The following ZNF529 variants were observed in gnomAD, a reference collection of about 807,000 sequenced individuals.
ZNF529 encodes the protein zinc finger protein 529.
In ZNF529, 11 loss-of-function variants were observed where a neutral mutation model predicts 10.1. The ratio of observed to expected loss-of-function variants is 1.09; its 90% CI spans 0.69 to 1.81. The LOEUF (loss-of-function observed/expected upper bound fraction) is 1.81. Among genes scored for constraint, ZNF529 ranks in the 40% most tolerant of loss-of-function variants. The pLI is 0.00. For synonymous variants in ZNF529, 204 were observed against 215.7 expected (o/e 0.95, Z 0.47); for missense variants, 624 against 666.8 (o/e 0.94, Z 0.71).
intron 2 of ZNF529, among the ~76,000 whole-genome samples, chr19:36,562,295 C>T (rs1434287435): frequency 1.3e-5 from 2 of 152,088 alleles, no homozygotes; most frequent in Admixed American, 1.3e-4. Flanking sequence ...TTTGGTTTCA[C>T]AGGTACAGGA....
At position 36,556,004 on chromosome 19, in the gene ZNF529, A is replaced by G. The variant is rs2035455907; in HGVS notation, c.108+100T>C. 4 of 1,234,974 alleles carry G rather than the reference A, an allele frequency of 3.2e-6. No individual in the cohort carries two copies. In the East Asian group the frequency reaches 1.0e-4, roughly 32 times the overall value. 76.5% of individuals were successfully genotyped at this position (1,234,974 alleles called of 1,614,324 possible). ...GACTCCAGCCCTTACTAGAAAGCGAAGAAGTATGGGGTTGTGGTACAGGTT... is the reference window on the plus strand; with the variant it reads ...GACTCCAGCCCTTACTAGAAAGCGAGGAAGTATGGGGTTGTGGTACAGGTT... On this transcript the variant is annotated intron_variant, in intron 3 of 4. Coordinates refer to ENST00000591340, the MANE Select transcript of ZNF529 (RefSeq NM_020951.5).
intron 1 of ZNF529, among the ~76,000 whole-genome samples, chr19:36,595,534 A>G (rs2036821749): frequency 6.6e-6 from 1 of 152,084 alleles, no homozygotes; most frequent in South Asian, 2.1e-4. Context: ...TGTCCCTACA[A>G]CAAAACATTA....
chr19:36,551,775 T>C (rs190598384), intron 4 of ZNF529: 2 of 152,304 alleles, frequency 1.3e-5, no homozygotes, highest in Non-Finnish European at 2.9e-5. Context: ...ACCACAGAGA[T>C]TGGTTTCTGA....
intron 2 of ZNF529, among the ~76,000 whole-genome samples, chr19:36,568,553 C>T (rs1369026279): frequency 6.6e-6 from 1 of 151,476 alleles, no homozygotes; most frequent in East Asian, 1.9e-4. Context: ...CTCACTGCAA[C>T]CTCTGCCTCC....
chr19:36,573,563 G>A (rs1255905544), upstream of ZNF529: 1 of 464,106 alleles, frequency 2.2e-6, no homozygotes, highest in South Asian at 1.6e-5. Context: ...CAGGTTGGGA[G>A]GACAGAATGG....
chr19:36,603,297 A>G (rs2036958611), intron 1 of ZNF529, among the ~76,000 whole-genome samples: 2 of 152,194 alleles, frequency 1.3e-5, no homozygotes, highest in African/African-American at 2.4e-5. Flanking sequence ...GGAGAAGTGA[A>G]CATACTGTCA....
intron 2 of ZNF529, among the ~76,000 whole-genome samples, chr19:36,558,778 G>T (rs909666541): frequency 1.3e-5 from 2 of 151,822 alleles, no homozygotes; most frequent in Non-Finnish European, 1.5e-5. Context: ...CAAAAACAAA[G>T]AAATGGGACC....
intron 2 of ZNF529, among the ~76,000 whole-genome samples, chr19:36,570,057 C>T (rs1246049280): frequency 1.3e-5 from 2 of 152,110 alleles, no homozygotes; most frequent in South Asian, 2.1e-4. Flanking sequence ...CATGACTGAT[C>T]GTCAATAAAA....
chr19:36,587,325 A>G (rs962975874), intron 2 of ZNF529: 2 of 152,098 alleles, frequency 1.3e-5, no homozygotes, highest in Non-Finnish European at 2.9e-5. Flanking sequence ...ATGAGATACT[A>G]TGAATACACC....
intron 2 of ZNF529, among the ~76,000 whole-genome samples, chr19:36,558,269 T>C (rs897080466): frequency 6.6e-6 from 1 of 151,970 alleles, no homozygotes; most frequent in African/African-American, 2.4e-5. Context: ...AAAGAAATAA[T>C]GGATTTGAAA....
intron 2 of ZNF529, among the ~76,000 whole-genome samples, chr19:36,565,943 G>A (rs1045707095): frequency 2.6e-5 from 4 of 152,178 alleles, no homozygotes; most frequent in African/African-American, 7.2e-5. Context: ...TAGTATTAAA[G>A]CTAAGGAGTA....
chr19:36,555,946 A>G (rs553126328), intron 3 of ZNF529, among the ~76,000 whole-genome samples, 158 bp downstream of exon 3: 1 of 152,344 alleles, frequency 6.6e-6, no homozygotes, highest in East Asian at 1.9e-4. Flanking sequence ...TCTTTGGGGA[A>G]TAGAGGCACA....
upstream of ZNF529, chr19:36,573,633 G>A: frequency 2.6e-6 from 1 of 389,628 alleles, no homozygotes; most frequent in Non-Finnish European, 5.4e-6. Flanking sequence ...GGAATTCTAG[G>A]TGGCCCCTGC....
intron 2 of ZNF529, among the ~76,000 whole-genome samples, chr19:36,557,943 T>C (rs1329963458): frequency 6.6e-6 from 1 of 152,114 alleles, no homozygotes; most frequent in African/African-American, 2.4e-5. Flanking sequence ...AATGTAGGTA[T>C]GATCATAATG....
intron 4 of ZNF529, among the ~76,000 whole-genome samples, chr19:36,553,219 G>A (rs995266766): frequency 6.6e-6 from 1 of 152,090 alleles, no homozygotes; most frequent in Non-Finnish European, 1.5e-5. Context: ...TCTACCTCCC[G>A]AGTTCAAGCG....
intron 2 of ZNF529, among the ~76,000 whole-genome samples, chr19:36,563,598 A>G (rs1164324392): frequency 6.6e-6 from 1 of 152,128 alleles, no homozygotes; most frequent in Non-Finnish European, 1.5e-5. Flanking sequence ...GAGGTGAAAG[A>G]TCTCTACAAT....
chr19:36,592,565 G>A (rs2036747165), intron 1 of ZNF529, among the ~76,000 whole-genome samples: 1 of 149,212 alleles, frequency 6.7e-6, no homozygotes, highest in Admixed American at 6.7e-5. Flanking sequence ...CTGCAATCCA[G>A]CCTGGGCAAC....
chr19:36,592,171 G>T (rs1345399873), intron 1 of ZNF529, among the ~76,000 whole-genome samples: 1 of 149,844 alleles, frequency 6.7e-6, no homozygotes, highest in Non-Finnish European at 1.5e-5. Flanking sequence ...TGTACTCCCA[G>T]TTACTTGGGA....
At chr19:36,577,037 C>T (rs1015317491), upstream of ZNF529, 21 of 345,576 alleles carry the variant, frequency 6.1e-5, no homozygotes, top group Admixed American at 1.2e-4. Context: ...ACTGCAGCCT[C>T]GACCTCTTAG....
Sources: gnomAD v4.1 joint callset for allele counts (sites outside exome capture counted in the v4.1 genomes callset) on GRCh38, gnomAD v4.1.1 for gene constraint, MANE v1.5 for transcripts, NCBI Gene and HGNC (gene_info 2026-07-23, HGNC 2026-07-21) for gene names.